The following RORA variants were observed in gnomAD, a reference collection of about 807,000 sequenced individuals.
The protein encoded by RORA is RAR related orphan receptor A, also known as nuclear receptor ROR-alpha.
A neutral mutation model predicts 69.5 loss-of-function variants in RORA; 7 were observed. The ratio of observed to expected loss-of-function variants is 0.10; its 90% CI spans 0.06 to 0.19. RORA has a LOEUF of 0.19. Among genes scored for constraint, RORA ranks in the 10% least tolerant of loss-of-function variants. RORA has a pLI of 1.00. For synonymous variants in RORA, 261 were observed against 240.8 expected (o/e 1.08, Z -0.78); for missense variants, 457 against 663.0 (o/e 0.69, Z 3.41).
intron 1 of RORA, among the ~76,000 whole-genome samples, chr15:60,965,237 A>G (rs1893521758): frequency 6.6e-6 from 1 of 152,154 alleles, no homozygotes. Flanking sequence ...AGTTTTTGAC[A>G]TCTTGGAGCT....
chr15:61,196,204 G>GTT (rs2140921090), intron 1 of RORA, among the ~76,000 whole-genome samples: 1 of 152,340 alleles, frequency 6.6e-6, no homozygotes, highest in East Asian at 1.9e-4. Flanking sequence ...ATTGCAGGCA[G>GTT]TAACTACTCA....
At position 61,110,779 on chromosome 15, in the gene RORA, T is replaced by C. The variant is rs73430870; in HGVS notation, c.166+118274A>G. 2.7e-3 allele frequency among the ~76,000 whole-genome samples: 418 copies of C among 152,330 alleles called. 1 individual carries two copies. Among genetic ancestry groups the C allele is most frequent in the African/African-American group, 9.3e-3 (386 of 41,582 alleles). ...TTCTACTCATCCTTCTTGTTGGACC[T>C]TAAATGTCACTTCCCTGCACTAACC... On this transcript the variant is annotated intron_variant, in intron 1 of 10. Coordinates refer to ENST00000335670, the MANE Select transcript of RORA (RefSeq NM_134261.3).
chr15:60,983,937 T>G, intron 1 of RORA, among the ~76,000 whole-genome samples: 1 of 152,312 alleles, frequency 6.6e-6, no homozygotes, highest in Non-Finnish European at 1.5e-5. Flanking sequence ...TTACAGAATT[T>G]GGCACTTTTT....
At chr15:61,045,038 T>A (rs572037238) in intron 1 of RORA, among the ~76,000 whole-genome samples, 10 of 152,214 alleles carry the variant, frequency 6.6e-5, no homozygotes, top group South Asian at 2.1e-4. Flanking sequence ...TTAATATTGA[T>A]ATACTCATCA....
intron 1 of RORA, among the ~76,000 whole-genome samples, chr15:60,974,776 A>C (rs1306954165): frequency 6.6e-6 from 1 of 152,082 alleles, no homozygotes; most frequent in Non-Finnish European, 1.5e-5. Flanking sequence ...CCTCCACCCC[A>C]GCGTGGGGCA....
intron 1 of RORA, among the ~76,000 whole-genome samples, chr15:60,912,448 C>CA (rs200766518): frequency 0.024 from 3,567 of 150,930 alleles, 126 homozygotes; most frequent in South Asian, 0.087. Flanking sequence ...CAAAACAAAA[C>CA]AAAAAAACAA....
chr15:60,635,328 T>C (rs1325105928), intron 2 of RORA, among the ~76,000 whole-genome samples: 1 of 152,212 alleles, frequency 6.6e-6, no homozygotes, highest in Non-Finnish European at 1.5e-5. Flanking sequence ...AATTCTGTGT[T>C]TTGGAATAAA....
At chr15:60,704,985 G>A (rs150870537) in intron 1 of RORA, among the ~76,000 whole-genome samples, 9 of 152,312 alleles carry the variant, frequency 5.9e-5, no homozygotes, top group East Asian at 1.9e-4. Flanking sequence ...TGTGACTGCC[G>A]AGGGTTGGCA....
chr15:60,636,409 G>A (rs865929253), intron 2 of RORA, among the ~76,000 whole-genome samples: 28 of 152,160 alleles, frequency 1.8e-4, no homozygotes, highest in African/African-American at 6.0e-4. Flanking sequence ...TGATGCAAAA[G>A]TAATTGTGGT....
chr15:61,107,693 C>G (rs782920), intron 1 of RORA, among the ~76,000 whole-genome samples: 11 of 151,558 alleles, frequency 7.3e-5, no homozygotes, highest in African/African-American at 1.5e-4. Context: ...GTCTCATTAC[C>G]CTGTGGCTCT....
intron 1 of RORA, among the ~76,000 whole-genome samples, chr15:61,029,348 G>C (rs1043999555): frequency 1.6e-4 from 24 of 152,166 alleles, no homozygotes; most frequent in Non-Finnish European, 3.4e-4. Context: ...AGATGAGACT[G>C]AGGAGGGAAG....
chr15:60,955,038 T>C (rs1301889890), intron 1 of RORA, among the ~76,000 whole-genome samples: 1 of 152,230 alleles, frequency 6.6e-6, no homozygotes, highest in Non-Finnish European at 1.5e-5. Flanking sequence ...GCGTGGTGAC[T>C]CATGCCTGTA....
intron 1 of RORA, among the ~76,000 whole-genome samples, chr15:61,099,528 A>C (rs187920421): frequency 8.6e-4 from 131 of 152,360 alleles, no homozygotes; most frequent in Admixed American, 1.6e-3. Context: ...CATCCTTGAC[A>C]GTAGTGGGAC....
chr15:60,720,664 A>G (rs1278791671), intron 1 of RORA, among the ~76,000 whole-genome samples: 1 of 152,202 alleles, frequency 6.6e-6, no homozygotes, highest in Non-Finnish European at 1.5e-5. Flanking sequence ...GCAGCACAGG[A>G]CAAGGCCTCC....
intron 1 of RORA, among the ~76,000 whole-genome samples, chr15:60,718,512 A>T (rs1313646045): frequency 6.6e-6 from 1 of 152,240 alleles, no homozygotes; most frequent in African/African-American, 2.4e-5. Context: ...TGGCTAAATG[A>T]ATGAAAGGTA....
At chr15:60,782,009 G>A (rs1567188887) in intron 1 of RORA, among the ~76,000 whole-genome samples, 1 of 152,162 alleles carries the variant, frequency 6.6e-6, no homozygotes, top group African/African-American at 2.4e-5. Flanking sequence ...GGCGGATCAC[G>A]AGGTCAAGAG....
At chr15:61,171,366 G>A (rs1044283935) in intron 1 of RORA, among the ~76,000 whole-genome samples, 3 of 152,168 alleles carry the variant, frequency 2.0e-5, no homozygotes, top group African/African-American at 7.2e-5. Context: ...GTGTCACAAT[G>A]ACCTGGAGAG....
intron 3 of RORA, chr15:60,528,258 T>A (rs2066423653): frequency 6.6e-6 from 1 of 152,186 alleles, no homozygotes; most frequent in Admixed American, 6.6e-5. Flanking sequence ...AGAGACAGAG[T>A]CTTGCTGTGT....
In RORA at chr15:60,497,434, G is replaced by A; in HGVS notation, c.*21C>T. On this transcript the variant is annotated 3_prime_UTR_variant, in exon 11 of 11. Coordinates refer to ENST00000335670, the MANE Select transcript of RORA (RefSeq NM_134261.3). ...TCATGTTTGTACTTCAGACATTCTA[G>A]AAGTGCTTAGGTGATAACATTTACC... 6.2e-7 allele frequency: 1 copy of A among 1,609,534 alleles called. No individual in the cohort carries two copies. Among genetic ancestry groups the A allele is most frequent in the East Asian group, 2.2e-5 (1 of 44,830 alleles).
Sources: allele counts gnomAD v4.1 joint callset (sites outside exome capture counted in the v4.1 genomes callset), GRCh38; gene constraint gnomAD v4.1.1; transcripts MANE v1.5; gene names NCBI Gene and HGNC (gene_info 2026-07-23, HGNC 2026-07-21).